GLIS3: variants seen among roughly 807,000 people sequenced by gnomAD.
The protein encoded by GLIS3 is GLIS family zinc finger 3.
In GLIS3, 53 loss-of-function variants were observed where a neutral mutation model predicts 78.6. The ratio of observed to expected loss-of-function variants is 0.67; its 90% CI spans 0.54 to 0.85. GLIS3 has a LOEUF of 0.85. Ranked by LOEUF, GLIS3 falls within the 40% of genes least tolerant of loss-of-function variation. The pLI, the probability that GLIS3 is intolerant of heterozygous loss-of-function variation, is 0.00. For missense variants in GLIS3, 1,703 were observed against 1,231.1 expected, an observed-to-expected ratio of 1.38 and a Z score of -5.74; for synonymous variants, 684 against 509.9, an observed-to-expected ratio of 1.34 and a Z score of -4.60.
chr9:4,019,239 T>C (rs1284610201), intron 4 of GLIS3, among the ~76,000 whole-genome samples: 1 of 152,202 alleles, frequency 6.6e-6, no homozygotes, highest in African/African-American at 2.4e-5. Context: ...CTCTCATCTT[T>C]GTGACTCCTT....
chr9:4,195,178 C>A (rs1205746076), intron 2 of GLIS3, among the ~76,000 whole-genome samples: 2 of 152,246 alleles, frequency 1.3e-5, no homozygotes. Flanking sequence ...GCCTCCTCGG[C>A]CTCGGCGTCT....
chr9:4,112,329 G>T (rs1831285352), intron 4 of GLIS3, among the ~76,000 whole-genome samples: 1 of 152,148 alleles, frequency 6.6e-6, no homozygotes, highest in Non-Finnish European at 1.5e-5. Context: ...TCAGGACATT[G>T]ATAATAATGT....
chr9:4,040,771 C>G (rs746716403), intron 4 of GLIS3, among the ~76,000 whole-genome samples: 9 of 152,142 alleles, frequency 5.9e-5, no homozygotes, highest in Non-Finnish European at 1.0e-4. Context: ...TTCAGTAGAT[C>G]GTTCTACCAC....
intron 4 of GLIS3, among the ~76,000 whole-genome samples, chr9:3,944,679 A>G (rs1008463612): frequency 2.0e-5 from 3 of 152,244 alleles, no homozygotes; most frequent in African/African-American, 7.2e-5. Context: ...AATGCATTTG[A>G]TAACACGCCA....
chr9:4,388,612 G>T, the GLIS3 span, among the ~76,000 whole-genome samples: 1 of 152,184 alleles, frequency 6.6e-6, no homozygotes, highest in East Asian at 1.9e-4. Context: ...GGAGGCGGAG[G>T]TTGCAGTGAG....
At chr9:4,001,272 G>C (rs912095358) in intron 4 of GLIS3, among the ~76,000 whole-genome samples, 1 of 152,086 alleles carries the variant, frequency 6.6e-6, no homozygotes, top group South Asian at 2.1e-4. Context: ...AAATCTTTTG[G>C]CAATGAATCA....
the GLIS3 span, among the ~76,000 whole-genome samples, chr9:4,473,033 A>C: frequency 6.6e-6 from 1 of 152,212 alleles, no homozygotes; most frequent in Non-Finnish European, 1.5e-5. Context: ...AGGAATCACC[A>C]CACTGCTTTC....
chr9:3,965,513 A>T (rs185822239), intron 4 of GLIS3, among the ~76,000 whole-genome samples: 1 of 151,608 alleles, frequency 6.6e-6, no homozygotes, highest in East Asian at 1.9e-4. Flanking sequence ...TAATTCTATC[A>T]CTCTAATCCA....
chr9:4,376,382 A>G, the GLIS3 span, among the ~76,000 whole-genome samples: 1 of 152,244 alleles, frequency 6.6e-6, no homozygotes, highest in African/African-American at 2.4e-5. Flanking sequence ...TGAAAAAACA[A>G]TGGAAGACAT....
chr9:4,484,915 C>A, the GLIS3 span, among the ~76,000 whole-genome samples: 14 of 151,632 alleles, frequency 9.2e-5, no homozygotes, highest in South Asian at 2.9e-3. Context: ...AACCATCGGT[C>A]CAGAGGACAC....
the GLIS3 span, among the ~76,000 whole-genome samples, chr9:4,364,645 G>C: frequency 1.4e-5 from 2 of 147,446 alleles, no homozygotes; most frequent in Non-Finnish European, 3.0e-5. Context: ...CTTTAACAGT[G>C]ATTATTTTCT....
chr9:4,093,885 C>G (rs995312405), intron 4 of GLIS3, among the ~76,000 whole-genome samples: 1 of 152,176 alleles, frequency 6.6e-6, no homozygotes. Context: ...TTCAGTAACC[C>G]TGAGGTCTCA....
intron 1 of GLIS3, among the ~76,000 whole-genome samples, chr9:4,295,759 G>A (rs964064750): frequency 6.6e-6 from 1 of 152,156 alleles, no homozygotes; most frequent in Non-Finnish European, 1.5e-5. Flanking sequence ...GTGCTTTTCC[G>A]TAAGGATATT....
the GLIS3 span, among the ~76,000 whole-genome samples, chr9:4,383,769 A>C: frequency 1.3e-5 from 2 of 152,200 alleles, no homozygotes; most frequent in Non-Finnish European, 1.5e-5. Flanking sequence ...TTTTTGGGAT[A>C]ATCAGCCTCT....
intron 4 of GLIS3, among the ~76,000 whole-genome samples, chr9:4,092,948 A>G (rs1319325429): frequency 6.6e-6 from 1 of 152,174 alleles, no homozygotes; most frequent in Non-Finnish European, 1.5e-5. Flanking sequence ...ACCCCCATGC[A>G]CGTGAATAAT....
chr9:4,205,570 G>T (rs1819802442), intron 2 of GLIS3, among the ~76,000 whole-genome samples: 1 of 152,212 alleles, frequency 6.6e-6, no homozygotes, highest in African/African-American at 2.4e-5. Context: ...TAGAGGTGGG[G>T]GCTTGGAAGG....
chr9:4,184,298 G>A (rs994975198), intron 2 of GLIS3, among the ~76,000 whole-genome samples: 1 of 152,172 alleles, frequency 6.6e-6, no homozygotes, highest in Non-Finnish European at 1.5e-5. Flanking sequence ...GAAGATATGT[G>A]ACTGCACAAG....
Position 4,006,462 on chromosome 9 carries a change from C to T in GLIS3, c.1711-69273G>A, listed in dbSNP as rs16920346. On this transcript the variant is annotated intron_variant, in intron 4 of 10. Coordinates refer to ENST00000381971, the MANE Select transcript of GLIS3 (RefSeq NM_001042413.2). ...AAACATGCCATTATTTAATTGAAGT[C>T]GTGCCCCGAGCACATCACTGAGTTG... Among the ~76,000 whole-genome samples, 590 of 152,188 alleles carry T rather than the reference C, an allele frequency of 3.9e-3. 13 individuals are homozygous for T. The East Asian group carries it at 0.039, about 10-fold the overall frequency.
intron 2 of GLIS3, among the ~76,000 whole-genome samples, chr9:4,322,955 C>T (rs1267776471): frequency 1.3e-5 from 2 of 152,136 alleles, no homozygotes; most frequent in African/African-American, 2.4e-5. Flanking sequence ...GTTGCCATTG[C>T]TTTTGGTGTT....
Sources: gnomAD v4.1 joint callset for allele counts (sites outside exome capture counted in the v4.1 genomes callset) on GRCh38, gnomAD v4.1.1 for gene constraint, MANE v1.5 for transcripts, NCBI Gene and HGNC (gene_info 2026-07-23, HGNC 2026-07-21) for gene names.